HHAT: variants seen among roughly 807,000 people sequenced by gnomAD.
HHAT encodes protein-cysteine N-palmitoyltransferase HHAT.
HHAT carries 47 observed loss-of-function variants against 70.8 expected under a neutral mutation model. The observed-to-expected ratio is 0.66, with a 90% CI of 0.53 to 0.85. HHAT has a LOEUF of 0.85. Among genes scored for constraint, HHAT ranks in the 40% least tolerant of loss-of-function variants. The pLI, the probability that HHAT is intolerant of heterozygous loss-of-function variation, is 0.00. For synonymous variants in HHAT, 228 were observed against 247.6 expected (o/e 0.92, Z 0.74); for missense variants, 609 against 604.8 (o/e 1.01, Z -0.07).
At chr1:210,345,574 C>A (rs2086447042) in intron 1 of HHAT, among the ~76,000 whole-genome samples, 1 of 152,018 alleles carries the variant, frequency 6.6e-6, no homozygotes, top group Non-Finnish European at 1.5e-5. Flanking sequence ...GTGTATAGCT[C>A]TTGTTTATTT....
chr1:210,623,074 CTTTTG>C (rs1468999410), intron 10 of HHAT, among the ~76,000 whole-genome samples: 5 of 152,122 alleles, frequency 3.3e-5, no homozygotes, highest in Non-Finnish European at 5.9e-5. Flanking sequence ...CAAGAGTACA[CTTTTG>C]TTTTGTTTCG....
At chr1:210,561,323 A>T (rs759214737) in intron 9 of HHAT, among the ~76,000 whole-genome samples, 13 of 152,218 alleles carry the variant, frequency 8.5e-5, no homozygotes, top group Non-Finnish European at 1.6e-4. Context: ...ACCATTCTGC[A>T]CCTCATTTTG....
intron 3 of HHAT, among the ~76,000 whole-genome samples, chr1:210,364,074 G>C (rs1448395290): frequency 1.3e-5 from 2 of 152,182 alleles, no homozygotes; most frequent in Non-Finnish European, 2.9e-5. Flanking sequence ...TAAGATACAA[G>C]GCCCATGTTT....
At chr1:210,670,325 C>T (rs1370388636) in intron 11 of HHAT, among the ~76,000 whole-genome samples, 1 of 152,166 alleles carries the variant, frequency 6.6e-6, no homozygotes, top group African/African-American at 2.4e-5. Context: ...AGAGTCAATG[C>T]CTAGGACAGG....
At chr1:210,562,088 T>G (rs2095628330) in intron 9 of HHAT, among the ~76,000 whole-genome samples, 1 of 152,178 alleles carries the variant, frequency 6.6e-6, no homozygotes, top group African/African-American at 2.4e-5. Flanking sequence ...TGGGCACTGA[T>G]GAAACCTTAA....
intron 9 of HHAT, among the ~76,000 whole-genome samples, chr1:210,551,871 G>T (rs1357483116): frequency 6.6e-6 from 1 of 152,194 alleles, no homozygotes; most frequent in East Asian, 1.9e-4. Context: ...GTGAACCCAA[G>T]ATTTTTATTC....
At chr1:210,432,252 A>G (rs1178698293) in intron 7 of HHAT, among the ~76,000 whole-genome samples, 2 of 151,770 alleles carry the variant, frequency 1.3e-5, no homozygotes, top group Non-Finnish European at 2.9e-5. Flanking sequence ...AATGTGTAGA[A>G]TGAGAATAAA....
intron 8 of HHAT, among the ~76,000 whole-genome samples, chr1:210,509,790 G>T (rs1558055869): frequency 1.3e-5 from 2 of 152,306 alleles, no homozygotes; most frequent in Admixed American, 6.5e-5. Context: ...TCCAAGGAAA[G>T]TGAGAGGCAG....
At chr1:210,616,158 A>G (rs942358793) in intron 10 of HHAT, among the ~76,000 whole-genome samples, 4 of 152,240 alleles carry the variant, frequency 2.6e-5, no homozygotes, top group South Asian at 2.1e-4. Context: ...GCAAATTAAC[A>G]TGCACTACCT....
chr1:210,503,596 T>A (rs979256494), intron 8 of HHAT, among the ~76,000 whole-genome samples: 2 of 152,188 alleles, frequency 1.3e-5, no homozygotes, highest in Admixed American at 6.5e-5. Context: ...ACACCAACCT[T>A]GTTTGTTTCA....
chr1:210,630,864 G>A (rs1018881670), intron 11 of HHAT: 4 of 360,882 alleles, frequency 1.1e-5, no homozygotes, highest in Non-Finnish European at 2.2e-5. Context: ...TCTTCCTAGT[G>A]GACAGCCGTG....
At chr1:210,659,133 A>T (rs965611403) in intron 11 of HHAT, among the ~76,000 whole-genome samples, 50 of 152,212 alleles carry the variant, frequency 3.3e-4, no homozygotes, top group African/African-American at 1.2e-3. Flanking sequence ...CCTTCAAAAA[A>T]TCAATGAATC....
At chr1:210,477,097 AC>A (rs2094316770) in intron 8 of HHAT, among the ~76,000 whole-genome samples, 1 of 152,184 alleles carries the variant, frequency 6.6e-6, no homozygotes, top group African/African-American at 2.4e-5. Context: ...AGGGGATGGG[AC>A]CACAAAAGGA....
intron 11 of HHAT, among the ~76,000 whole-genome samples, chr1:210,632,634 C>T (rs1309147491): frequency 6.6e-6 from 1 of 152,232 alleles, no homozygotes; most frequent in African/African-American, 2.4e-5. Flanking sequence ...CAGCTTCCAG[C>T]TTGCTTGTCT....
intron 11 of HHAT, among the ~76,000 whole-genome samples, chr1:210,655,842 C>T (rs1676279194): frequency 6.6e-6 from 1 of 152,168 alleles, no homozygotes; most frequent in African/African-American, 2.4e-5. Context: ...GGTCTTTTAG[C>T]TTATTCCTTG....
intron 11 of HHAT, among the ~76,000 whole-genome samples, chr1:210,648,374 T>C (rs1157312095): frequency 1.3e-5 from 2 of 152,206 alleles, no homozygotes; most frequent in African/African-American, 4.8e-5. Flanking sequence ...TATGAACATA[T>C]AGTCAGCATA....
chr1:210,460,736 AAAG>A (rs1255055636), intron 7 of HHAT, among the ~76,000 whole-genome samples: 4 of 152,190 alleles, frequency 2.6e-5, no homozygotes, highest in Non-Finnish European at 5.9e-5. Flanking sequence ...TTTGCCAAGA[AAAG>A]AAGGAGGGGT....
chr1:210,633,061 A>T (rs1671184675), intron 11 of HHAT, among the ~76,000 whole-genome samples: 1 of 152,108 alleles, frequency 6.6e-6, no homozygotes, highest in African/African-American at 2.4e-5. Flanking sequence ...TAACAAACAG[A>T]CACTAAATTT....
chr1:210,489,899 A>G (rs2094525902), intron 8 of HHAT, among the ~76,000 whole-genome samples: 1 of 151,724 alleles, frequency 6.6e-6, no homozygotes, highest in Non-Finnish European at 1.5e-5. Flanking sequence ...TGAAGGCCAT[A>G]ACAACATTTA....
Sources: gnomAD v4.1 joint callset for allele counts (sites outside exome capture counted in the v4.1 genomes callset) on GRCh38, gnomAD v4.1.1 for gene constraint, MANE v1.5 for transcripts, NCBI Gene and HGNC (gene_info 2026-07-23, HGNC 2026-07-21) for gene names.